PDE3B: variants seen among roughly 807,000 people sequenced by gnomAD.
PDE3B encodes the protein phosphodiesterase 3B.
A neutral mutation model predicts 116.8 loss-of-function variants in PDE3B; 66 were observed. The ratio of observed to expected loss-of-function variants is 0.56; its 90% CI spans 0.46 to 0.69. The LOEUF is 0.69. Among genes scored for constraint, PDE3B ranks in the 30% least tolerant of loss-of-function variants. The probability of loss-of-function intolerance (pLI) is 0.00; values close to 1 mark genes in which losing one functional copy is unlikely to be tolerated. For synonymous variants in PDE3B, 595 were observed against 533.6 expected, an observed-to-expected ratio of 1.12 and a Z score of -1.59; for missense variants, 1,384 against 1,368.1, an observed-to-expected ratio of 1.01 and a Z score of -0.18.
intron 1 of PDE3B, among the ~76,000 whole-genome samples, chr11:14,662,960 C>T (rs1590041317): frequency 6.6e-6 from 1 of 151,834 alleles, no homozygotes; most frequent in Non-Finnish European, 1.5e-5. Context: ...ACAGAGAACG[C>T]CACAAAGATA....
chr11:14,834,360 C>A (rs1859988035), intron 10 of PDE3B, among the ~76,000 whole-genome samples: 1 of 152,048 alleles, frequency 6.6e-6, no homozygotes, highest in Admixed American at 6.6e-5. Flanking sequence ...GGATCTTTCC[C>A]AAGATTATAA....
rs556316125 is a variant in PDE3B, at chr11:14,815,401, G to A, written c.1523-2782G>A. Reference sequence around the variant, plus strand: ...CTGGAGAATCAGCTGGGAATGAATCGGCTGCCAAGCTCATTCAGGTTGTCC... The same window carrying A: ...CTGGAGAATCAGCTGGGAATGAATCAGCTGCCAAGCTCATTCAGGTTGTCC... On this transcript the variant is annotated intron_variant, in intron 5 of 15. Transcript: ENST00000282096. Among the ~76,000 whole-genome samples, 15 of 152,148 alleles carry A rather than the reference G, an allele frequency of 9.9e-5. 1 individual carries two copies. The South Asian group carries it at 2.5e-3, about 25-fold the overall frequency.
chr11:14,687,775 G>A (rs1854918381), intron 1 of PDE3B, among the ~76,000 whole-genome samples: 1 of 152,234 alleles, frequency 6.6e-6, no homozygotes, highest in South Asian at 2.1e-4. Flanking sequence ...TCATATGGAT[G>A]ACATACAGTT....
chr11:14,746,253 G>A (rs1210948835), intron 1 of PDE3B, among the ~76,000 whole-genome samples: 1 of 152,248 alleles, frequency 6.6e-6, no homozygotes, highest in Admixed American at 6.5e-5. Context: ...AATTAGCTGG[G>A]CGTGGTGGCA....
chr11:14,804,935 G>A (rs541523258), intron 5 of PDE3B, among the ~76,000 whole-genome samples: 11 of 152,202 alleles, frequency 7.2e-5, no homozygotes, highest in Middle Eastern at 3.4e-3. Flanking sequence ...TACAAAAGTA[G>A]TGAACTTGAA....
At position 14,843,992 on chromosome 11, in the gene PDE3B, C is replaced by T; in HGVS notation, c.2486C>T (p.Thr829Ile). The T allele has an allele frequency of 6.2e-7, 1 of 1,613,990 alleles. No homozygotes were observed. The highest frequency in any genetic ancestry group is 8.5e-7 in the Non-Finnish European group (1 of 1,179,928). ...CATGATTATGATCACCCAGGGAGGA[C>T]AAATGCATTTCTAGTGGCTACAAAT... Reference protein sequence around the residue: ...AMHDYDHPGRTNAFLVATNAP... With the variant: ...AMHDYDHPGRINAFLVATNAP... The change falls in exon 12 of 16, where the codon ACA becomes ATA. Residue 829 changes from threonine (T) to isoleucine (I), a missense_variant. Thr to Ile is a moderately conservative substitution (Grantham distance 89). This residue lies in a region of PDE3B where 428 missense variants were observed against 561.4 expected (regional missense o/e 0.76). Transcript: ENST00000282096.
intron 1 of PDE3B, among the ~76,000 whole-genome samples, chr11:14,703,461 G>T (rs1448410888): frequency 2.0e-5 from 3 of 150,958 alleles, no homozygotes; most frequent in Non-Finnish European, 4.4e-5. Flanking sequence ...AATTTTAGGA[G>T]ACTTGTCACC....
In PDE3B at chr11:14,693,936, A is replaced by G. The variant is rs538918684; in HGVS notation, c.978+48883A>G. On this transcript the variant is annotated intron_variant, in intron 1 of 15. Transcript: ENST00000282096. ...GACCATTCTAGATGCCCTTAAGAAC[A>G]TTTGTGATTCATGGGAGGAGATCAG... Among the ~76,000 whole-genome samples, 6 of 152,300 alleles carry G rather than the reference A, an allele frequency of 3.9e-5. No homozygotes were observed. The South Asian group carries it at 1.2e-3, about 32-fold the overall frequency.
chr11:14,767,903 A>T (rs568765668), intron 1 of PDE3B, among the ~76,000 whole-genome samples: 53 of 151,044 alleles, frequency 3.5e-4, no homozygotes, highest in African/African-American at 1.2e-3. Flanking sequence ...TCATATATAT[A>T]TTTTTTTCGT....
At position 14,835,056 on chromosome 11, in the gene PDE3B, C is replaced by A; in HGVS notation, c.2281C>A (p.Gln761Lys). Residue 761 changes from glutamine (Q) to lysine (K), a missense_variant, in exon 11 of 16, where the codon CAG (glutamine) becomes AAG (lysine). Physicochemically the swap from Gln to Lys is moderately conservative, Grantham distance 53. Around this residue, in one of 2 missense-constraint regions of PDE3B, gnomAD observed 428 missense variants for 561.4 expected, o/e 0.76. Coordinates refer to ENST00000282096, the MANE Select transcript of PDE3B (RefSeq NM_000922.4). ...YLTTRPVPGL[Q>K]QIHNGCGTGN... is the part of the protein sequence containing the mutation. ...GACAACACGGCCAGTTCCTGGCTTA[C>A]AGCAGATCCACAATGGTTGTGGAAC... The A allele has an allele frequency of 6.2e-7, 1 of 1,612,434 alleles. No individual in the cohort carries two copies. Among genetic ancestry groups the A allele is most frequent in the Non-Finnish European group, 8.5e-7 (1 of 1,178,898 alleles).
Position 14,834,993 on chromosome 11 carries a change from A to C in PDE3B, c.2218A>C (p.Ile740Leu), listed in dbSNP as rs775253290. 3.7e-6 allele frequency: 6 copies of C among 1,608,280 alleles called. No homozygotes were observed. In the Admixed American group the frequency reaches 8.4e-5, roughly 23 times the overall value. The change falls in exon 11 of 16, where the codon ATA (isoleucine) becomes CTA (leucine). Residue 740 changes from isoleucine to leucine, a missense_variant. By Grantham distance (5) the Ile-to-Leu change is conservative. Around this residue, in one of 2 missense-constraint regions of PDE3B, gnomAD observed 428 missense variants for 561.4 expected, o/e 0.76. Transcript: ENST00000282096. Reference protein sequence around the residue: ...GYRDIPYHNRIHATDVLHAVW... With the variant: ...GYRDIPYHNRLHATDVLHAVW... ...TTTGGTGACTTTAGATCACAATCGT[A>C]TACATGCCACAGATGTGCTACATGC...
chr11:14,662,977 G>A (rs1162147616), intron 1 of PDE3B, among the ~76,000 whole-genome samples: 1 of 151,764 alleles, frequency 6.6e-6, no homozygotes, highest in Non-Finnish European at 1.5e-5. Context: ...GATACTCCTC[G>A]AGAAGAGCAA....
chr11:14,723,700 A>G (rs112307025), intron 1 of PDE3B, among the ~76,000 whole-genome samples: 94 of 152,146 alleles, frequency 6.2e-4, no homozygotes, highest in African/African-American at 2.0e-3. Context: ...GTTTAAGGCT[A>G]CAAGTGAGCT....
intron 1 of PDE3B, among the ~76,000 whole-genome samples, chr11:14,670,506 G>A (rs1854329504): frequency 5.3e-5 from 8 of 152,052 alleles, no homozygotes; most frequent in Admixed American, 5.2e-4. Context: ...ATAAGTAACA[G>A]GCAAACAGAT....
At chr11:14,701,609 C>A (rs1165112657) in intron 1 of PDE3B, among the ~76,000 whole-genome samples, 1 of 151,614 alleles carries the variant, frequency 6.6e-6, no homozygotes, top group Non-Finnish European at 1.5e-5. Flanking sequence ...TATGGCTCTT[C>A]TACTAATTTT....
chr11:14,727,426 A>G (rs1469251942), intron 1 of PDE3B, among the ~76,000 whole-genome samples: 1 of 152,156 alleles, frequency 6.6e-6, no homozygotes, highest in Non-Finnish European at 1.5e-5. Flanking sequence ...AAGATCATAT[A>G]GTTCATAAGT....
chr11:14,802,262 AC>A (rs1322197377), intron 4 of PDE3B, among the ~76,000 whole-genome samples: 2 of 152,052 alleles, frequency 1.3e-5, no homozygotes, highest in Admixed American at 6.5e-5. Context: ...TTTGCTTGAA[AC>A]CCAGGGCCCC....
At position 14,644,924 on chromosome 11, in the gene PDE3B, A is replaced by G; in HGVS notation, c.849A>G (p.Glu283=). 6.2e-7 allele frequency: 1 copy of G among 1,614,148 alleles called. No homozygotes were observed. The highest frequency in any genetic ancestry group is 8.5e-7 in the Non-Finnish European group (1 of 1,180,024). ...PLHPRLSSAA[E]EKVPVIRPRR... ...ATCCTCGACTGTCCAGTGCCGCCGA[A>G]GAAAAAGTGCCTGTGATCCGACCCC... The change falls in exon 1 of 16, where the codon GAA becomes GAG. Residue 283 remains glutamate, a synonymous_variant. Transcript: ENST00000282096.
chr11:14,703,776 G>T (rs1328096602), intron 1 of PDE3B, among the ~76,000 whole-genome samples: 1 of 151,774 alleles, frequency 6.6e-6, no homozygotes, highest in East Asian at 1.9e-4. Context: ...TTGTTTGTGT[G>T]TGTGTGTGTG....
Sources: allele counts gnomAD v4.1 joint callset (sites outside exome capture counted in the v4.1 genomes callset), GRCh38; gene constraint gnomAD v4.1.1; regional missense constraint gnomAD v4.1.1; transcripts MANE v1.5; gene names NCBI Gene and HGNC (gene_info 2026-07-23, HGNC 2026-07-21).